CCDC93: variants seen among roughly 807,000 people sequenced by gnomAD.
CCDC93 encodes coiled-coil domain-containing protein 93.
A neutral mutation model predicts 108.2 loss-of-function variants in CCDC93; 61 were observed. The observed-to-expected ratio is 0.56, with a 90% CI of 0.46 to 0.70. The LOEUF is 0.70. Among genes scored for constraint, CCDC93 ranks in the 30% least tolerant of loss-of-function variants. CCDC93 has a pLI of 0.00. For missense variants in CCDC93, 685 were observed against 764.2 expected (o/e 0.90, Z 1.22); for synonymous variants, 276 against 260.4 (o/e 1.06, Z -0.58).
chr2:117,928,177 A>T (rs907056768), intron 23 of CCDC93, among the ~76,000 whole-genome samples: 9 of 152,210 alleles, frequency 5.9e-5, no homozygotes, highest in Non-Finnish European at 1.2e-4. Context: ...AACCTAGGCA[A>T]CACCATTCAG....
chr2:117,975,773 G>T (rs961395141), intron 8 of CCDC93, among the ~76,000 whole-genome samples: 2 of 152,186 alleles, frequency 1.3e-5, no homozygotes, highest in African/African-American at 4.8e-5. Flanking sequence ...GGGTATTAGT[G>T]TGTGTGTACT....
chr2:117,976,850 G>A (rs1489177933), intron 8 of CCDC93, among the ~76,000 whole-genome samples: 2 of 151,712 alleles, frequency 1.3e-5, no homozygotes, highest in Admixed American at 6.6e-5. Flanking sequence ...AATGGAGTGG[G>A]TGGCAGGGGA....
chr2:117,962,954 C>G (rs186212566), intron 11 of CCDC93, among the ~76,000 whole-genome samples: 16 of 152,270 alleles, frequency 1.1e-4, no homozygotes, highest in Admixed American at 9.1e-4. Context: ...TCATGCAGTT[C>G]TGCAATCCTA....
chr2:118,002,822 A>AG lies in CCDC93; in HGVS notation c.252-1891dup, dbSNP rs1676745425. On this transcript the variant is annotated intron_variant, in intron 3 of 23. Transcript: ENST00000376300. ...GAAGGCCAAGGAGGGAGGTCACTTG[A>AG]GGCCAGGAGTTTGAGACCAGCCTGG... Among the ~76,000 whole-genome samples the AG allele has an allele frequency of 7.9e-5, 12 of 152,304 alleles. No individual in the cohort carries two copies. In the South Asian group the frequency reaches 2.5e-3, roughly 32 times the overall value.
chr2:117,961,154 C>A (rs185452921), intron 11 of CCDC93, among the ~76,000 whole-genome samples: 1 of 152,196 alleles, frequency 6.6e-6, no homozygotes, highest in East Asian at 1.9e-4. Context: ...TATGTAACAC[C>A]GAGAGGGAAA....
At chr2:117,925,151 C>A (rs1288809548) in intron 23 of CCDC93, among the ~76,000 whole-genome samples, 1 of 152,174 alleles carries the variant, frequency 6.6e-6, no homozygotes, top group Non-Finnish European at 1.5e-5. Context: ...CAACTGGTAC[C>A]AGCCACTGCA....
intron 11 of CCDC93, among the ~76,000 whole-genome samples, chr2:117,968,216 C>A (rs183107438): frequency 1.3e-5 from 2 of 152,308 alleles, no homozygotes; most frequent in African/African-American, 4.8e-5. Flanking sequence ...AGGGACCTTG[C>A]AACTTCCCTG....
chr2:117,940,224 T>C (rs1194150494), intron 19 of CCDC93, among the ~76,000 whole-genome samples: 1 of 152,046 alleles, frequency 6.6e-6, no homozygotes, highest in Non-Finnish European at 1.5e-5. Context: ...ACCTGTTGAG[T>C]TTCAGGTATC....
intron 17 of CCDC93, among the ~76,000 whole-genome samples, chr2:117,944,512 C>T (rs1291025720): frequency 6.6e-6 from 1 of 152,140 alleles, no homozygotes; most frequent in Non-Finnish European, 1.5e-5. Context: ...CAGTGCGGAA[C>T]AGAACATTTC....
intron 23 of CCDC93, among the ~76,000 whole-genome samples, chr2:117,928,688 G>C (rs1325036640): frequency 2.0e-5 from 3 of 152,298 alleles, no homozygotes; most frequent in Non-Finnish European, 4.4e-5. Flanking sequence ...CAACCATTGT[G>C]GAAGTCAGTG....
chr2:118,008,632 T>C lies in CCDC93; in HGVS notation c.69A>G (p.Gln23=). ...PEVETREDEE[Q]NVKLTEILEL... is the part of the protein sequence containing the mutation. ...CCAGAATTTCAGTCAACTTGACATT[T>C]TGTTCTTCATCTTCTCTTGTTTCCA... The change falls in exon 2 of 24, where the codon CAA becomes CAG. Residue 23 remains glutamine, a synonymous_variant. Transcript: ENST00000376300. 6.2e-7 allele frequency: 1 copy of C among 1,612,712 alleles called. No individual in the cohort carries two copies. The highest frequency in any genetic ancestry group is 8.5e-7 in the Non-Finnish European group (1 of 1,178,988).
rs141958813 is a variant in CCDC93, at chr2:117,933,799, G to C, written c.1728+1696C>G. 4.0e-5 allele frequency among the ~76,000 whole-genome samples: 6 copies of C among 149,508 alleles called. No homozygotes were observed. In the East Asian group the frequency reaches 7.8e-4, roughly 19 times the overall value. Reference sequence around the variant, plus strand: ...TCTATCAACATTCAACATTCAAAGCGTATCTGGAGCCCTCTCTGAGAACTG... The same window carrying C: ...TCTATCAACATTCAACATTCAAAGCCTATCTGGAGCCCTCTCTGAGAACTG... On this transcript the variant is annotated intron_variant, in intron 22 of 23. Transcript: ENST00000376300.
intron 18 of CCDC93, among the ~76,000 whole-genome samples, chr2:117,941,913 C>T (rs193152158): frequency 1.2e-4 from 18 of 152,302 alleles, no homozygotes; most frequent in East Asian, 7.7e-4. Flanking sequence ...CCACTGAACA[C>T]GTGTAGACTC....
intron 8 of CCDC93, among the ~76,000 whole-genome samples, chr2:117,976,444 T>A (rs1256255255): frequency 1.3e-5 from 2 of 151,940 alleles, no homozygotes; most frequent in East Asian, 3.9e-4. Flanking sequence ...ATTATTCAGT[T>A]GACTAAAAAA....
intron 12 of CCDC93, among the ~76,000 whole-genome samples, chr2:117,954,320 C>G (rs1045460330): frequency 6.6e-6 from 1 of 152,174 alleles, no homozygotes; most frequent in Non-Finnish European, 1.5e-5. Context: ...GCTCCCTCAC[C>G]AGGGGGTTCA....
At chr2:117,938,629 G>C (rs1678599279) in intron 20 of CCDC93, among the ~76,000 whole-genome samples, 1 of 150,678 alleles carries the variant, frequency 6.6e-6, no homozygotes, top group African/African-American at 2.4e-5. Flanking sequence ...AAACCTTTTA[G>C]TTCACGCCTT....
At chr2:117,959,923 T>G (rs1679333998) in intron 11 of CCDC93, among the ~76,000 whole-genome samples, 1 of 152,270 alleles carries the variant, frequency 6.6e-6, no homozygotes, top group Non-Finnish European at 1.5e-5. Flanking sequence ...CTGAAAATTA[T>G]TTGAGAGTAT....
chr2:117,991,233 T>C (rs555441467), intron 6 of CCDC93, among the ~76,000 whole-genome samples: 6 of 152,346 alleles, frequency 3.9e-5, no homozygotes, highest in Admixed American at 6.5e-5. Context: ...CTGGCATCCA[T>C]TCTTTGGCTG....
At chr2:118,009,696 TTA>T in intron 1 of CCDC93, among the ~76,000 whole-genome samples, 1 of 152,028 alleles carries the variant, frequency 6.6e-6, no homozygotes, top group East Asian at 1.9e-4. Context: ...ACAAAAAAAG[TTA>T]TACTCATCCA....
Sources: allele counts gnomAD v4.1 joint callset (sites outside exome capture counted in the v4.1 genomes callset), GRCh38; gene constraint gnomAD v4.1.1; transcripts MANE v1.5; gene names NCBI Gene and HGNC (gene_info 2026-07-23, HGNC 2026-07-21).